The following NR3C1 variants were observed in gnomAD, a reference collection of about 807,000 sequenced individuals.
NR3C1 encodes the protein glucocorticoid receptor.
In NR3C1, 14 loss-of-function variants were observed where a neutral mutation model predicts 74.0. The ratio of observed to expected loss-of-function variants is 0.19; its 90% CI spans 0.12 to 0.30. The LOEUF is 0.30. Among genes scored for constraint, NR3C1 ranks in the 10% least tolerant of loss-of-function variants. The pLI is 1.00. For missense variants in NR3C1, 695 were observed against 909.8 expected (o/e 0.76, Z 3.04); for synonymous variants, 308 against 332.5 (o/e 0.93, Z 0.80).
intron 2 of NR3C1, among the ~76,000 whole-genome samples, chr5:143,384,723 C>T (rs1311452444): frequency 1.3e-5 from 2 of 152,220 alleles, no homozygotes; most frequent in Non-Finnish European, 2.9e-5. Context: ...CCTGGTGGCT[C>T]TGCTGGGTAC....
chr5:143,363,479 A>C (rs1600278015), intron 2 of NR3C1, among the ~76,000 whole-genome samples: 1 of 152,342 alleles, frequency 6.6e-6, no homozygotes, highest in East Asian at 1.9e-4. Flanking sequence ...ACAAAGACTT[A>C]AAATCATTGC....
At chr5:143,419,781 T>C (rs901185595) in intron 1 of NR3C1, among the ~76,000 whole-genome samples, 4 of 152,172 alleles carry the variant, frequency 2.6e-5, no homozygotes, top group African/African-American at 7.2e-5. Context: ...ACCATTGTCT[T>C]TGATAACATC....
intron 1 of NR3C1, among the ~76,000 whole-genome samples, chr5:143,419,061 A>G (rs1170684126): frequency 6.6e-6 from 1 of 152,232 alleles, no homozygotes; most frequent in Non-Finnish European, 1.5e-5. Context: ...GAGTGCTATC[A>G]TGATGCTCAA....
intron 1 of NR3C1, among the ~76,000 whole-genome samples, chr5:143,412,913 A>G (rs563525080): frequency 1.5e-4 from 23 of 152,280 alleles, no homozygotes; most frequent in African/African-American, 5.5e-4. Context: ...ATGATTAGCT[A>G]TTTTAGGCAT....
At chr5:143,402,858 C>A in intron 1 of NR3C1, 1 of 981,496 alleles carries the variant, frequency 1.0e-6, no homozygotes, top group African/African-American at 1.7e-5. Flanking sequence ...GTCGGGCGAC[C>A]CCCTTGGAGG....
intron 7 of NR3C1, among the ~76,000 whole-genome samples, chr5:143,288,882 G>A (rs532332996): frequency 2.8e-3 from 420 of 151,948 alleles, no homozygotes; most frequent in South Asian, 6.9e-3. Context: ...GAGGTGGGTG[G>A]ATCACCTGAG....
At chr5:143,354,041 T>C (rs1181737194) in intron 2 of NR3C1, among the ~76,000 whole-genome samples, 1 of 152,248 alleles carries the variant, frequency 6.6e-6, no homozygotes, top group African/African-American at 2.4e-5. Flanking sequence ...CACCTTACAC[T>C]TTTATGTTAC....
At chr5:143,306,987 C>A (rs1298430365) in intron 4 of NR3C1, among the ~76,000 whole-genome samples, 4 of 144,988 alleles carry the variant, frequency 2.8e-5, no homozygotes, top group African/African-American at 1.0e-4. Context: ...AGCTCCAACT[C>A]CTGGGCTGAT....
At chr5:143,406,448 A>G (rs79788854), upstream of NR3C1, among the ~76,000 whole-genome samples, 812 of 152,030 alleles carry the variant, frequency 5.3e-3, 5 homozygotes, top group East Asian at 0.022. Flanking sequence ...TCTCTTCAGC[A>G]ATCTAAATGT....
At chr5:143,336,963 G>A (rs1010444376) in intron 2 of NR3C1, among the ~76,000 whole-genome samples, 3 of 148,566 alleles carry the variant, frequency 2.0e-5, no homozygotes, top group Admixed American at 6.7e-5. Context: ...GGGTGACAGA[G>A]TGAGACCCTG....
chr5:143,317,233 T>C (rs1296849837), intron 2 of NR3C1, among the ~76,000 whole-genome samples: 2 of 152,168 alleles, frequency 1.3e-5, no homozygotes, highest in African/African-American at 4.8e-5. Flanking sequence ...TACAACAAAA[T>C]GGTTAGAACT....
At chr5:143,291,008 T>C (rs1599707364) in intron 7 of NR3C1, among the ~76,000 whole-genome samples, 1 of 152,168 alleles carries the variant, frequency 6.6e-6, no homozygotes. Context: ...TTGGATTGTT[T>C]TTCTTAGGTA....
At chr5:143,294,288 G>A (rs916343718) in intron 7 of NR3C1, 4 of 965,214 alleles carry the variant, frequency 4.1e-6, no homozygotes, top group Non-Finnish European at 2.5e-6. Context: ...GTACTTATTT[G>A]TATATGAAAG....
exon 1 of NR3C1, chr5:143,435,481 G>C: frequency 1.0e-6 from 1 of 985,498 alleles, no homozygotes; most frequent in Non-Finnish European, 1.2e-6. Context: ...GGTACCTTTT[G>C]AATGGGGTGA....
At chr5:143,348,473 G>A (rs945783573) in intron 2 of NR3C1, among the ~76,000 whole-genome samples, 4 of 152,092 alleles carry the variant, frequency 2.6e-5, no homozygotes, top group African/African-American at 7.2e-5. Flanking sequence ...AATTTGAGTC[G>A]ACTGATATGC....
At chr5:143,346,996 A>G (rs1379246598) in intron 2 of NR3C1, among the ~76,000 whole-genome samples, 4 of 152,244 alleles carry the variant, frequency 2.6e-5, no homozygotes, top group Admixed American at 2.6e-4. Flanking sequence ...AGGCTTTAGT[A>G]CACAGCACTG....
intron 2 of NR3C1, among the ~76,000 whole-genome samples, chr5:143,340,515 C>T (rs1328265837): frequency 7.4e-6 from 1 of 134,716 alleles, no homozygotes; most frequent in African/African-American, 2.8e-5. Context: ...CAGAGTCTCG[C>T]TCTGTCGCCC....
At chr5:143,423,167 A>G (rs1355115925) in intron 1 of NR3C1, among the ~76,000 whole-genome samples, 1 of 152,220 alleles carries the variant, frequency 6.6e-6, no homozygotes, top group Non-Finnish European at 1.5e-5. Flanking sequence ...CTGCACAGCA[A>G]AGGAAACCAT....
At chr5:143,289,745 T>C (rs1815412093) in intron 7 of NR3C1, among the ~76,000 whole-genome samples, 1 of 152,174 alleles carries the variant, frequency 6.6e-6, no homozygotes, top group Non-Finnish European at 1.5e-5. Context: ...AGGTGGCCAA[T>C]AAGCCCATGA....
Sources: allele counts gnomAD v4.1 joint callset (sites outside exome capture counted in the v4.1 genomes callset), GRCh38; gene constraint gnomAD v4.1.1; transcripts MANE v1.5; gene names NCBI Gene and HGNC (gene_info 2026-07-23, HGNC 2026-07-21).